SDCCAG8: variants seen among roughly 807,000 people sequenced by gnomAD.
SDCCAG8 encodes serologically defined colon cancer antigen 8.
Under a neutral mutation model 101.8 loss-of-function variants are expected in SDCCAG8, and 74 were observed. The ratio of observed to expected loss-of-function variants is 0.73; its 90% CI spans 0.60 to 0.88. SDCCAG8 has a LOEUF of 0.88. Among genes scored for constraint, SDCCAG8 ranks in the 40% least tolerant of loss-of-function variants. SDCCAG8 has a pLI of 0.00. For missense variants in SDCCAG8, 787 were observed against 822.6 expected, an observed-to-expected ratio of 0.96 and a Z score of 0.53; for synonymous variants, 281 against 292.9, an observed-to-expected ratio of 0.96 and a Z score of 0.41.
chr1:243,426,590 G>T (rs369345394), intron 16 of SDCCAG8, 32 bp downstream of exon 16: 31 of 1,613,342 alleles, frequency 1.9e-5, no homozygotes, highest in Non-Finnish European at 2.5e-5. Flanking sequence ...CTCATGTGCC[G>T]CATATTGAAT....
At chr1:243,319,926 A>G (rs1350966625) in intron 9 of SDCCAG8, among the ~76,000 whole-genome samples, 10 of 151,862 alleles carry the variant, frequency 6.6e-5, no homozygotes, top group Non-Finnish European at 1.3e-4. Context: ...AATCTACTCC[A>G]TGTCTTCATT....
chr1:243,389,336 G>C (rs1053361368), intron 13 of SDCCAG8, among the ~76,000 whole-genome samples: 1 of 152,076 alleles, frequency 6.6e-6, no homozygotes, highest in Non-Finnish European at 1.5e-5. Context: ...CAACAACAGG[G>C]TCTCTTTGTT....
chr1:243,327,336 ATT>A (rs2074237188), intron 9 of SDCCAG8, among the ~76,000 whole-genome samples: 1 of 147,030 alleles, frequency 6.8e-6, no homozygotes, highest in African/African-American at 2.5e-5. Context: ...TATAATTATA[ATT>A]TTATAGAAAT....
intron 12 of SDCCAG8, among the ~76,000 whole-genome samples, chr1:243,358,529 C>T (rs748501951): frequency 1.2e-4 from 19 of 152,146 alleles, no homozygotes; most frequent in Non-Finnish European, 2.4e-4. Flanking sequence ...TAAAGTCATA[C>T]AGGCTGAAAA....
At chr1:243,371,245 C>A (rs1332992663) in intron 12 of SDCCAG8, among the ~76,000 whole-genome samples, 1 of 152,042 alleles carries the variant, frequency 6.6e-6, no homozygotes, top group Non-Finnish European at 1.5e-5. Context: ...GTGTCATTTC[C>A]TCTTTATTTT....
At chr1:243,420,558 C>T (rs566898373) in intron 15 of SDCCAG8, among the ~76,000 whole-genome samples, 1 of 152,270 alleles carries the variant, frequency 6.6e-6, no homozygotes, top group Non-Finnish European at 1.5e-5. Context: ...TTTTGTAACT[C>T]TGATGAATTA....
At chr1:243,331,318 C>T (rs758627790) in intron 10 of SDCCAG8, among the ~76,000 whole-genome samples, 11 of 152,164 alleles carry the variant, frequency 7.2e-5, no homozygotes, top group Non-Finnish European at 1.5e-4. Flanking sequence ...TAACTAGACT[C>T]GAATTGAGCA....
chr1:243,321,305 GT>G (rs2073736444), intron 9 of SDCCAG8, among the ~76,000 whole-genome samples: 1 of 152,154 alleles, frequency 6.6e-6, no homozygotes, highest in Admixed American at 6.5e-5. Context: ...AGGGGTACAT[GT>G]GTAGGATTGT....
chr1:243,499,692 T>C (rs1210426667), intron 17 of SDCCAG8, 64 bp from the exon 18 acceptor site: 1 of 1,308,304 alleles, frequency 7.6e-7, no homozygotes, highest in East Asian at 2.3e-5. Flanking sequence ...AACCAGCAAA[T>C]GAGAAGACAA....
chr1:243,423,278 A>G (rs2081132601), intron 15 of SDCCAG8, among the ~76,000 whole-genome samples: 1 of 152,182 alleles, frequency 6.6e-6, no homozygotes, highest in Non-Finnish European at 1.5e-5. Flanking sequence ...AAATACAAAG[A>G]AGAATTAAGG....
chr1:243,362,790 A>G (rs1160080226), intron 12 of SDCCAG8, among the ~76,000 whole-genome samples: 2 of 152,204 alleles, frequency 1.3e-5, no homozygotes, highest in Admixed American at 6.5e-5. Flanking sequence ...GCCTAAGCTT[A>G]TGTTAATCTA....
In SDCCAG8 at chr1:243,266,776, C is replaced by CAA. The variant is rs566670758; in HGVS notation, c.68-3317_68-3316dup. 4.3e-4 allele frequency among the ~76,000 whole-genome samples: 48 copies of CAA among 110,962 alleles called. 1 individual carries two copies. Among genetic ancestry groups the CAA allele is most frequent in the East Asian group, 1.4e-3 (5 of 3,674 alleles). 72.8% of individuals were successfully genotyped at this position (110,962 alleles called of 152,430 possible). A position where few individuals can be genotyped will look rare whatever the true frequency, so the allele number is the denominator to read the frequency against. The stretch of plus-strand genomic sequence containing the variant: ...AAAGTATTTGTCTCTATTATAAATA[C>CAA]AAAAAAAAAAAAAGAAATTAGCTGG... On this transcript the variant is annotated intron_variant, in intron 1 of 17. Coordinates refer to ENST00000366541, the MANE Select transcript of SDCCAG8 (RefSeq NM_006642.5).
At chr1:243,408,012 A>G (rs763302547) in intron 13 of SDCCAG8, among the ~76,000 whole-genome samples, 4 of 152,206 alleles carry the variant, frequency 2.6e-5, no homozygotes, top group Non-Finnish European at 4.4e-5. Context: ...GGAAGACATC[A>G]TGCTGTCTAC....
At chr1:243,413,974 C>G (rs987793349) in intron 13 of SDCCAG8, among the ~76,000 whole-genome samples, 1 of 152,180 alleles carries the variant, frequency 6.6e-6, no homozygotes, top group Non-Finnish European at 1.5e-5. Flanking sequence ...TCCCCTATGA[C>G]AAGAGTATAA....
At chr1:243,433,925 C>T (rs2081967208) in intron 16 of SDCCAG8, among the ~76,000 whole-genome samples, 1 of 152,156 alleles carries the variant, frequency 6.6e-6, no homozygotes. Context: ...TTCTACTGGC[C>T]GCCTCCACAC....
chr1:243,348,456 GAC>G (rs140457446), intron 12 of SDCCAG8, among the ~76,000 whole-genome samples: 1,710 of 152,012 alleles, frequency 0.011, 29 homozygotes, highest in African/African-American at 0.039. Flanking sequence ...AGGGGCAAAA[GAC>G]ACAGGAGAAC....
chr1:243,325,589 T>C (rs1398767956), intron 9 of SDCCAG8, among the ~76,000 whole-genome samples: 3 of 152,088 alleles, frequency 2.0e-5, no homozygotes, highest in East Asian at 3.8e-4. Flanking sequence ...CTGAGGATTT[T>C]ATAAGAAAAT....
intron 16 of SDCCAG8, among the ~76,000 whole-genome samples, chr1:243,429,156 C>T (rs1480014165): frequency 6.6e-6 from 1 of 152,088 alleles, no homozygotes; most frequent in Non-Finnish European, 1.5e-5. Context: ...CAGCTGCAGC[C>T]GCCTGTCATT....
chr1:243,500,086 T>TAAAG lies in SDCCAG8; in HGVS notation c.*303_*306dup, dbSNP rs1553387590. The TAAAG allele has an allele frequency of 1.7e-5, 7 of 418,990 alleles. No homozygotes were observed. The East Asian group carries it at 2.5e-4, about 15-fold the overall frequency. The allele number at this position is 418,990 out of a possible 1,614,324, so 26.0% of individuals were successfully genotyped here. On this transcript the variant is annotated 3_prime_UTR_variant, in exon 18 of 18. Coordinates refer to ENST00000366541, the MANE Select transcript of SDCCAG8 (RefSeq NM_006642.5). ...TATGATTTTCAATAAATGAACTTTT[T>TAAAG]AAAGACTTGAGTTGTAATGTTTCCT...
Sources: allele counts gnomAD v4.1 joint callset (sites outside exome capture counted in the v4.1 genomes callset), GRCh38; gene constraint gnomAD v4.1.1; transcripts MANE v1.5; gene names NCBI Gene and HGNC (gene_info 2026-07-23, HGNC 2026-07-21).